The following TEX11 variants were observed in gnomAD, a reference collection of about 807,000 sequenced individuals.
TEX11 encodes testis-expressed protein 11.
A neutral mutation model predicts 84.4 loss-of-function variants in TEX11; 7 were observed. The ratio of observed to expected loss-of-function variants is 0.08; its 90% confidence interval spans 0.05 to 0.16. The LOEUF is 0.16. Among genes scored for constraint, TEX11 ranks in the 10% least tolerant of loss-of-function variants. The probability of loss-of-function intolerance (pLI) is 1.00; values close to 1 mark genes in which losing one functional copy is unlikely to be tolerated. For missense variants in TEX11, 551 were observed against 660.5 expected (o/e 0.83, Z 1.82); for synonymous variants, 264 against 222.8 (o/e 1.18, Z -1.64).
intron 8 of TEX11, among the ~76,000 whole-genome samples, chrX:70,826,909 G>A (rs992835518): frequency 4.5e-5 from 5 of 111,204 alleles, no homozygotes; most frequent in African/African-American, 1.3e-4. Context: ...AACTTGCCAC[G>A]TGACCTAGGG....
intron 11 of TEX11, among the ~76,000 whole-genome samples, chrX:70,730,883 A>C (rs1018090627): frequency 3.6e-5 from 4 of 111,839 alleles, no homozygotes; most frequent in Non-Finnish European, 7.5e-5. Flanking sequence ...CCTATTCCAA[A>C]ATTGACCACA....
chrX:70,703,158 A>G (rs916661653), intron 13 of TEX11, among the ~76,000 whole-genome samples: 4 of 111,551 alleles, frequency 3.6e-5, no homozygotes, highest in Non-Finnish European at 7.5e-5. Context: ...ATGGTGGAAC[A>G]AGGATTCAGA....
chrX:70,602,164 G>C (rs1458682835), intron 24 of TEX11, among the ~76,000 whole-genome samples: 1 of 111,863 alleles, frequency 8.9e-6, no homozygotes, highest in Admixed American at 9.4e-5. Flanking sequence ...CCGGGCGGGG[G>C]GCTGACCCCC....
rs2091499853 is a variant in TEX11, at chrX:70,850,127, A to G, written c.525+2907T>C. Among the ~76,000 whole-genome samples the G allele has an allele frequency of 3.6e-5, 4 of 111,946 alleles. No individual in the cohort carries two copies. The Admixed American group carries it at 3.8e-4, about 11-fold the overall frequency. The stretch of plus-strand genomic sequence containing the variant: ...ATCTGTCTTCCTATAATTTCTACCC[A>G]TTGTTCTTCATTCCATCCTGTGGAG... On this transcript the variant is annotated intron_variant, in intron 7 of 29. Coordinates refer to ENST00000374333, the MANE Select transcript of TEX11 (RefSeq NM_031276.3).
intron 24 of TEX11, among the ~76,000 whole-genome samples, chrX:70,595,175 G>A (rs750986495): frequency 3.6e-4 from 40 of 111,185 alleles, no homozygotes; most frequent in African/African-American, 1.2e-3. Flanking sequence ...TCTGCCTGCC[G>A]GATTCAAGTG....
At chrX:70,723,073 T>C (rs1180879010) in intron 12 of TEX11, among the ~76,000 whole-genome samples, 4 of 111,807 alleles carry the variant, frequency 3.6e-5, no homozygotes, top group African/African-American at 1.3e-4. Flanking sequence ...TTGTCACCTG[T>C]AAAATGGAGA....
At chrX:70,845,819 C>T (rs1485143526) in intron 7 of TEX11, among the ~76,000 whole-genome samples, 3 of 111,265 alleles carry the variant, frequency 2.7e-5, no homozygotes, top group African/African-American at 9.8e-5. Context: ...CAGAGCAAGA[C>T]TCCATCACAC....
intron 28 of TEX11, among the ~76,000 whole-genome samples, chrX:70,548,731 G>A (rs1009926912): frequency 1.8e-5 from 2 of 112,021 alleles, no homozygotes; most frequent in South Asian, 3.8e-4. Flanking sequence ...TAGCTAGAGA[G>A]CAATTGTCCA....
chrX:70,551,071 TA>T lies in TEX11; in HGVS notation c.2520+1054del, dbSNP rs921432208. On this transcript the variant is annotated intron_variant, in intron 28 of 29. Transcript: ENST00000374333. ...TACACAATGGAGTACTATTCAGCCA[TA>T]AAAAAAATAAGATCCAGTCACTTGC... 3.1e-4 allele frequency among the ~76,000 whole-genome samples: 34 copies of T among 110,792 alleles called. 1 individual carries two copies. Among genetic ancestry groups the T allele is most frequent in the African/African-American group, 9.5e-4 (29 of 30,542 alleles).
rs775637765 is a variant in TEX11, at chrX:70,869,323, A to T, written c.244+3900T>A. ...CTCCTTACCTTGAAAAAAAAAATCA[A>T]CTAACCCCACTATGCTTCAAGCTTG... is the stretch of plus-strand genomic sequence containing the variant. On this transcript the variant is annotated intron_variant, in intron 4 of 29. Transcript: ENST00000374333. Among the ~76,000 whole-genome samples, 22 of 108,241 alleles carry T rather than the reference A, an allele frequency of 2.0e-4. No individual in the cohort carries two copies. The East Asian group carries it at 6.4e-3, about 32-fold the overall frequency. The allele number at this position is 108,241 out of a possible 115,157, so 94.0% of individuals were successfully genotyped here.
intron 8 of TEX11, among the ~76,000 whole-genome samples, chrX:70,826,537 G>T (rs1254660475): frequency 1.8e-5 from 2 of 111,483 alleles, no homozygotes; most frequent in Non-Finnish European, 3.8e-5. Flanking sequence ...AATCTCCAAG[G>T]CCACCCCTCC....
intron 9 of TEX11, among the ~76,000 whole-genome samples, chrX:70,762,763 G>A (rs1006913966): frequency 3.6e-5 from 4 of 111,690 alleles, no homozygotes; most frequent in African/African-American, 1.3e-4. Context: ...GGCCAGGCAT[G>A]ATGGCTCATG....
chrX:70,840,058 G>C (rs1308826659), intron 7 of TEX11, among the ~76,000 whole-genome samples: 2 of 111,955 alleles, frequency 1.8e-5, no homozygotes, highest in Non-Finnish European at 3.8e-5. Context: ...ACACTCTGCA[G>C]GATATTATCC....
intron 9 of TEX11, among the ~76,000 whole-genome samples, chrX:70,783,587 A>C (rs1019061037): frequency 8.9e-6 from 1 of 111,943 alleles, no homozygotes; most frequent in African/African-American, 3.2e-5. Flanking sequence ...AGCAAGACTA[A>C]CAAAGAAGAA....
intron 25 of TEX11, among the ~76,000 whole-genome samples, chrX:70,567,251 T>A (rs1419705570): frequency 9.9e-5 from 11 of 111,196 alleles, no homozygotes; most frequent in Admixed American, 1.9e-4. Context: ...GGTGGTGATA[T>A]CCCCTTTATC....
At chrX:70,543,314 GA>G in intron 28 of TEX11, among the ~76,000 whole-genome samples, 1 of 112,618 alleles carries the variant, frequency 8.9e-6, no homozygotes, top group African/African-American at 3.2e-5. Context: ...AAACTCATGA[GA>G]AAAGTAGAAA....
At chrX:70,547,183 T>C (rs1320310413) in intron 28 of TEX11, among the ~76,000 whole-genome samples, 1 of 110,499 alleles carries the variant, frequency 9.0e-6, no homozygotes, top group Non-Finnish European at 1.9e-5. Context: ...AGAGAAAATC[T>C]ACAGAGACAG....
chrX:70,732,575 C>G (rs1420532983), intron 11 of TEX11, among the ~76,000 whole-genome samples: 1 of 111,342 alleles, frequency 9.0e-6, no homozygotes, highest in Non-Finnish European at 1.9e-5. Context: ...AATAAAATAC[C>G]TAGGAATCCA....
At chrX:70,870,136 C>A (rs1019418316) in intron 4 of TEX11, among the ~76,000 whole-genome samples, 8 of 111,303 alleles carry the variant, frequency 7.2e-5, no homozygotes, top group Non-Finnish European at 1.5e-4. Flanking sequence ...GGGGTTATAC[C>A]CTCTGACATT....
Sources: allele counts gnomAD v4.1 joint callset (sites outside exome capture counted in the v4.1 genomes callset), GRCh38; gene constraint gnomAD v4.1.1; transcripts MANE v1.5; gene names NCBI Gene and HGNC (gene_info 2026-07-23, HGNC 2026-07-21).